COL4A5: variants seen among roughly 807,000 people sequenced by gnomAD.
The protein encoded by COL4A5 is collagen alpha-5(IV) chain.
COL4A5 carries 26 observed loss-of-function variants against 130.2 expected under a neutral mutation model. The observed-to-expected ratio is 0.20, with a 90% CI of 0.15 to 0.28. COL4A5 has a LOEUF of 0.28. Among genes scored for constraint, COL4A5 ranks in the 10% least tolerant of loss-of-function variants. The probability of loss-of-function intolerance (pLI) is 1.00; values close to 1 mark genes in which losing one functional copy is unlikely to be tolerated. For missense variants in COL4A5, 1,131 were observed against 1,344.3 expected (o/e 0.84, Z 2.48); for synonymous variants, 496 against 439.6 (o/e 1.13, Z -1.60).
chrX:108,456,753 G>C (rs140420098), intron 1 of COL4A5, among the ~76,000 whole-genome samples: 315 of 111,909 alleles, frequency 2.8e-3, no homozygotes, highest in African/African-American at 9.6e-3. Flanking sequence ...TTAAAGTAAT[G>C]AATGTTAAAT....
In COL4A5 at chrX:108,547,364, C is replaced by T. The variant is rs376217648; in HGVS notation, c.141+7559C>T. Among the ~76,000 whole-genome samples the T allele has an allele frequency of 3.2e-4, 36 of 111,766 alleles. No homozygotes were observed. In the East Asian group the frequency reaches 7.6e-3, roughly 24 times the overall value. ...CAGCTGCAGGTCTGTTGGAGTTTGC[C>T]GGAGGTCCACTCCAGACCCTGTTTG... On this transcript the variant is annotated intron_variant, in intron 2 of 52. Transcript: ENST00000328300.
At chrX:108,521,751 T>C (rs1293444580) in intron 1 of COL4A5, among the ~76,000 whole-genome samples, 2 of 111,898 alleles carry the variant, frequency 1.8e-5, no homozygotes, top group African/African-American at 6.5e-5. Flanking sequence ...CCCTTCACGG[T>C]TCTTGACAGA....
In COL4A5 at chrX:108,559,163, A is replaced by G. The variant is rs367715798; in HGVS notation, c.231+10A>G. The G allele has an allele frequency of 2.6e-6, 3 of 1,174,094 alleles. No individual in the cohort carries two copies. Among genetic ancestry groups the G allele is most frequent in the Non-Finnish European group, 2.3e-6 (2 of 860,925 alleles). On this transcript the variant is annotated intron_variant, in intron 3 of 52. Coordinates refer to ENST00000328300, the MANE Select transcript of COL4A5 (RefSeq NM_033380.3). The stretch of plus-strand genomic sequence containing the variant: ...GCCTCGGGGACAAAAGGTATGTATC[A>G]TGTTGCCAACCAGTAATGCCAGATG...
At chrX:108,542,252 T>TC (rs1402731685) in intron 2 of COL4A5, among the ~76,000 whole-genome samples, 2 of 108,851 alleles carry the variant, frequency 1.8e-5, no homozygotes, top group Non-Finnish European at 3.8e-5. Context: ...ATGCTATCCT[T>TC]CCCCCCACCC....
chrX:108,606,645 T>C (rs1444739527), intron 28 of COL4A5, 97 bp from the exon 29 acceptor site: 7 of 939,137 alleles, frequency 7.5e-6, no homozygotes, highest in Admixed American at 4.4e-5. Flanking sequence ...AGGAAAAGTA[T>C]TGTCTTGTAT....
At chrX:108,460,002 G>A (rs1475007354) in intron 1 of COL4A5, among the ~76,000 whole-genome samples, 1 of 111,785 alleles carries the variant, frequency 8.9e-6, no homozygotes, top group Non-Finnish European at 1.9e-5. Context: ...TTTGAGAAAG[G>A]GAAGACATTT....
chrX:108,571,607 A>G (rs996864226), intron 7 of COL4A5, 141 bp downstream of exon 7: 2 of 633,520 alleles, frequency 3.2e-6, no homozygotes, highest in African/African-American at 4.5e-5. Context: ...TTTCAAAAAG[A>G]AGTTGGTAAT....
intron 1 of COL4A5, among the ~76,000 whole-genome samples, chrX:108,475,294 G>A (rs1419065374): frequency 1.8e-5 from 2 of 110,674 alleles, no homozygotes; most frequent in Non-Finnish European, 3.8e-5. Flanking sequence ...TCTTGTAGTA[G>A]TAGTAGTATT....
chrX:108,528,481 A>G (rs2147627263), intron 1 of COL4A5, among the ~76,000 whole-genome samples: 1 of 112,902 alleles, frequency 8.9e-6, no homozygotes, highest in Admixed American at 9.3e-5. Flanking sequence ...AGGAAATATG[A>G]CACTTGCAAA....
chrX:108,444,056 G>T (rs1429997122), intron 1 of COL4A5, among the ~76,000 whole-genome samples: 1 of 110,980 alleles, frequency 9.0e-6, no homozygotes, highest in African/African-American at 3.3e-5. Flanking sequence ...TATTCTATAG[G>T]TTATAATGAA....
chrX:108,451,001 C>A (rs1374234208), intron 1 of COL4A5, among the ~76,000 whole-genome samples: 5 of 105,370 alleles, frequency 4.7e-5, no homozygotes, highest in African/African-American at 1.0e-4. Flanking sequence ...CCACTCCCCC[C>A]ACCCCTCAAC....
At chrX:108,629,317 T>C (rs2067209498) in intron 36 of COL4A5, among the ~76,000 whole-genome samples, 1 of 111,769 alleles carries the variant, frequency 8.9e-6, no homozygotes, top group Admixed American at 9.5e-5. Context: ...ACATTAATTT[T>C]AAGAACTATC....
intron 36 of COL4A5, among the ~76,000 whole-genome samples, chrX:108,642,462 A>G (rs942570410): frequency 9.0e-6 from 1 of 111,187 alleles, no homozygotes; most frequent in African/African-American, 3.3e-5. Context: ...ACCACCAAAG[A>G]TAAGAACCCT....
At chrX:108,612,446 G>A (rs2066853631) in intron 29 of COL4A5, among the ~76,000 whole-genome samples, 1 of 111,272 alleles carries the variant, frequency 9.0e-6, no homozygotes, top group Admixed American at 9.6e-5. Context: ...GGTGAATTTC[G>A]TAGGATCATA....
intron 36 of COL4A5, among the ~76,000 whole-genome samples, chrX:108,654,026 G>T (rs1480919667): frequency 8.9e-6 from 1 of 112,141 alleles, no homozygotes; most frequent in African/African-American, 3.2e-5. Context: ...GTCAAAAATA[G>T]ATCTTACTCA....
intron 7 of COL4A5, 46 bp downstream of exon 7, chrX:108,571,512 A>G (rs777802784): frequency 2.0e-6 from 2 of 980,367 alleles, no homozygotes; most frequent in Non-Finnish European, 2.9e-6. Flanking sequence ...GAATTAACAA[A>G]AGAAGCAGAA....
At chrX:108,507,884 G>A (rs1315593208) in intron 1 of COL4A5, among the ~76,000 whole-genome samples, 3 of 111,342 alleles carry the variant, frequency 2.7e-5, no homozygotes, top group Non-Finnish European at 5.7e-5. Flanking sequence ...GAAGGAACAT[G>A]CCTCAAAATA....
In COL4A5 at chrX:108,439,988, T is replaced by G; in HGVS notation, c.-138T>G. 1.0e-5 allele frequency: 5 copies of G among 489,859 alleles called. No homozygotes were observed. Among genetic ancestry groups the G allele is most frequent in the South Asian group, 5.8e-5 (2 of 34,431 alleles). 40.4% of individuals were successfully genotyped at this position (489,859 alleles called of 1,213,427 possible). ...TTTTTTCTTCCACTCTTAAAAAGCT[T>G]CTTTCTCTTCACCCAAGCCTCACTG... On this transcript the variant is annotated 5_prime_UTR_variant, in exon 1 of 53. Transcript: ENST00000328300.
At position 108,628,747 on chromosome X, in the gene COL4A5, A is replaced by C. The variant is rs189363182; in HGVS notation, c.3246+2398A>C. Among the ~76,000 whole-genome samples the C allele has an allele frequency of 1.7e-4, 19 of 111,584 alleles. No individual in the cohort carries two copies. In the Admixed American group the frequency reaches 1.7e-3, roughly 10 times the overall value. On this transcript the variant is annotated intron_variant, in intron 36 of 52. Transcript: ENST00000328300. ...GCATTTCGTTATGTAGATGTTTGAA[A>C]TTTTTACATAGGCAAATTATGTACT...
Sources: gnomAD v4.1 joint callset for allele counts (sites outside exome capture counted in the v4.1 genomes callset) on GRCh38, gnomAD v4.1.1 for gene constraint, MANE v1.5 for transcripts, NCBI Gene and HGNC (gene_info 2026-07-23, HGNC 2026-07-21) for gene names.